ANO2: variants seen among roughly 807,000 people sequenced by gnomAD.
ANO2 encodes anoctamin 2.
ANO2 carries 101 observed loss-of-function variants against 124.2 expected under a neutral mutation model. The observed-to-expected ratio is 0.81, with a 90% CI of 0.69 to 0.96. ANO2 has a LOEUF of 0.96. Ranked by LOEUF, ANO2 falls within the 40% of genes least tolerant of loss-of-function variation. The probability of loss-of-function intolerance (pLI) is 0.00; values close to 1 mark genes in which losing one functional copy is unlikely to be tolerated. For synonymous variants in ANO2, 486 were observed against 482.5 expected (o/e 1.01, Z -0.09); for missense variants, 1,293 against 1,274.5 (o/e 1.01, Z -0.22).
chr12:5,732,669 A>T (rs1591536712), intron 13 of ANO2, 39 bp from the exon 14 acceptor site: 1 of 1,591,752 alleles, frequency 6.3e-7, no homozygotes. Flanking sequence ...AAACAAAAGG[A>T]AGAATGACCT....
rs143761457 is a variant in ANO2 at position 5,596,258 on chromosome 12, A to G, written c.2233+3226T>C. On this transcript the variant is annotated intron_variant, in intron 20 of 24. Coordinates refer to ENST00000682330, the MANE Select transcript of ANO2 (RefSeq NM_001364791.2). The stretch of plus-strand genomic sequence containing the variant: ...TCACTGGAAGATAGGCAAGTGAACT[A>G]TGGCATGCTTATTAAAGGGATTATT... Among the ~76,000 whole-genome samples, 700 of 152,342 alleles carry G rather than the reference A, an allele frequency of 4.6e-3. 4 individuals carry two copies. The highest frequency in any genetic ancestry group is 7.3e-3 in the Non-Finnish European group (497 of 68,034).
intron 14 of ANO2, among the ~76,000 whole-genome samples, chr12:5,657,007 G>A (rs1210608658): frequency 1.3e-5 from 2 of 152,190 alleles, no homozygotes; most frequent in African/African-American, 4.8e-5. Flanking sequence ...AATGCCTGTG[G>A]TCAGAGACAC....
chr12:5,566,162 G>A (rs1007354045), intron 23 of ANO2, among the ~76,000 whole-genome samples: 4 of 152,196 alleles, frequency 2.6e-5, no homozygotes, highest in African/African-American at 9.6e-5. Context: ...AGAGGGGCTG[G>A]CCTTGCTTCA....
intron 23 of ANO2, among the ~76,000 whole-genome samples, chr12:5,568,171 G>A (rs1257189305): frequency 4.2e-5 from 5 of 120,042 alleles, no homozygotes. Flanking sequence ...ATGGAGTCTC[G>A]CTCTGTCGCC....
At chr12:5,721,292 G>A (rs935919024) in intron 14 of ANO2, among the ~76,000 whole-genome samples, 1 of 152,162 alleles carries the variant, frequency 6.6e-6, no homozygotes, top group Non-Finnish European at 1.5e-5. Context: ...AGAGAAGTCC[G>A]TGGGAGGCCC....
chr12:5,793,335 G>A (rs1025321213), intron 10 of ANO2, among the ~76,000 whole-genome samples: 7 of 152,048 alleles, frequency 4.6e-5, no homozygotes, highest in African/African-American at 7.2e-5. Flanking sequence ...TGAATATGCC[G>A]CAAGAAAAAT....
At chr12:5,821,444 T>C (rs1420426492) in intron 7 of ANO2, among the ~76,000 whole-genome samples, 1 of 152,218 alleles carries the variant, frequency 6.6e-6, no homozygotes, top group Non-Finnish European at 1.5e-5. Context: ...TTGAGTGGGA[T>C]CCAGAATAGG....
At chr12:5,756,488 T>C (rs1951583620) in intron 10 of ANO2, among the ~76,000 whole-genome samples, 1 of 152,240 alleles carries the variant, frequency 6.6e-6, no homozygotes, top group Admixed American at 6.5e-5. Flanking sequence ...CAGTTCTTAC[T>C]GACTGCTTTC....
At chr12:5,865,587 A>C (rs528042770) in intron 3 of ANO2, among the ~76,000 whole-genome samples, 8 of 152,036 alleles carry the variant, frequency 5.3e-5, no homozygotes, top group African/African-American at 1.9e-4. Context: ...TCATACCATC[A>C]TGCCACCACA....
intron 19 of ANO2, among the ~76,000 whole-genome samples, chr12:5,606,240 T>G (rs1408391148): frequency 6.6e-6 from 1 of 152,136 alleles, no homozygotes; most frequent in Admixed American, 6.5e-5. Flanking sequence ...ATGTGACCCT[T>G]TGGAAGATCC....
chr12:5,854,159 A>G lies in ANO2; in HGVS notation c.535-18T>C, dbSNP rs1239851784. On this transcript the variant is annotated intron_variant, in intron 3 of 24. Coordinates refer to ENST00000682330, the MANE Select transcript of ANO2 (RefSeq NM_001364791.2). ...CTTTTATTCTGCAAGGTACAAAGAA[A>G]GAACAAATGGAAACACTTGTAAGGA... 4.4e-6 allele frequency: 7 copies of G among 1,607,040 alleles called. No individual in the cohort carries two copies. Among genetic ancestry groups the G allele is most frequent in the Non-Finnish European group, 5.1e-6 (6 of 1,174,406 alleles).
intron 3 of ANO2, among the ~76,000 whole-genome samples, chr12:5,882,020 AAG>A (rs1336174046): frequency 6.6e-6 from 1 of 152,242 alleles, no homozygotes; most frequent in Non-Finnish European, 1.5e-5. Flanking sequence ...AAGGCAAAGA[AAG>A]AGAATTCAAA....
chr12:5,700,406 C>T (rs1231721834), intron 14 of ANO2, among the ~76,000 whole-genome samples: 1 of 152,064 alleles, frequency 6.6e-6, no homozygotes. Context: ...AACAAAGACA[C>T]AACATACCAG....
chr12:5,676,827 G>A (rs546210958), intron 14 of ANO2, among the ~76,000 whole-genome samples: 1 of 152,250 alleles, frequency 6.6e-6, no homozygotes, highest in African/African-American at 2.4e-5. Context: ...GCCGAGCCAG[G>A]CAGATCACTT....
At chr12:5,708,666 G>C (rs377467188) in intron 14 of ANO2, among the ~76,000 whole-genome samples, 6 of 152,252 alleles carry the variant, frequency 3.9e-5, no homozygotes, top group African/African-American at 1.4e-4. Flanking sequence ...TGCAAGATAG[G>C]GATAATAAAG....
intron 21 of ANO2, 41 bp downstream of exon 21, chr12:5,578,325 A>T (rs200441267): frequency 3.1e-6 from 5 of 1,598,568 alleles, no homozygotes; most frequent in Non-Finnish European, 4.3e-6. Flanking sequence ...ACAGAATGGC[A>T]GAAGGATGGG....
At chr12:5,767,997 C>G (rs1951949381) in intron 10 of ANO2, among the ~76,000 whole-genome samples, 1 of 152,164 alleles carries the variant, frequency 6.6e-6, no homozygotes, top group Non-Finnish European at 1.5e-5. Flanking sequence ...GTAGGGGGTG[C>G]AGCTACTATG....
chr12:5,809,128 AGAGG>A (rs1046088467), intron 7 of ANO2, among the ~76,000 whole-genome samples: 6 of 152,092 alleles, frequency 3.9e-5, no homozygotes, highest in Non-Finnish European at 7.4e-5. Context: ...GAGGGTGGGG[AGAGG>A]GAGTGCAGAT....
intron 16 of ANO2, among the ~76,000 whole-genome samples, chr12:5,633,593 A>C (rs11063784): frequency 0.31 from 46,952 of 151,156 alleles, 7,582 homozygotes; most frequent in Admixed American, 0.38. Context: ...CAAAACAAAA[A>C]AAAAAACACG....
Sources: gnomAD v4.1 joint callset for allele counts (sites outside exome capture counted in the v4.1 genomes callset) on GRCh38, gnomAD v4.1.1 for gene constraint, MANE v1.5 for transcripts, NCBI Gene and HGNC (gene_info 2026-07-23, HGNC 2026-07-21) for gene names.